PHACTR2: variants seen among roughly 807,000 people sequenced by gnomAD.
PHACTR2 encodes the protein chromosome 6 open reading frame 56.
A neutral mutation model predicts 76.0 loss-of-function variants in PHACTR2; 30 were observed. The ratio of observed to expected loss-of-function variants is 0.39; its 90% CI spans 0.30 to 0.54. The LOEUF is 0.54. PHACTR2 is among the 20% of genes least tolerant of loss of function. PHACTR2 has a pLI of 0.61. For missense variants in PHACTR2, 696 were observed against 781.1 expected (o/e 0.89, Z 1.30); for synonymous variants, 292 against 292.5 (o/e 1.00, Z 0.02).
At position 143,816,961 on chromosome 6, in the gene PHACTR2, G is replaced by A. The variant is rs1331434477; in HGVS notation, c.1923-6713G>A. Reference sequence around the variant, plus strand: ...AGTGCCTGTATTCCCAGCTACTTGGGAGGCTGAGGCAGGAGAATCTCTTGA... The same window carrying A: ...AGTGCCTGTATTCCCAGCTACTTGGAAGGCTGAGGCAGGAGAATCTCTTGA... On this transcript the variant is annotated intron_variant, in intron 12 of 12. Coordinates refer to ENST00000440869, the MANE Select transcript of PHACTR2 (RefSeq NM_001100164.2). The surrounding 1 kb of genome is among the most constrained non-coding windows in gnomAD (Gnocchi z 4.5). Among the ~76,000 whole-genome samples the A allele has an allele frequency of 6.6e-6, 1 of 152,304 alleles. No homozygotes were observed. Among genetic ancestry groups the A allele is most frequent in the Admixed American group, 6.5e-5 (1 of 15,294 alleles).
chr6:143,563,631 A>C (rs1775316407), intron 1 of PHACTR2, among the ~76,000 whole-genome samples: 1 of 151,888 alleles, frequency 6.6e-6, no homozygotes, highest in African/African-American at 2.4e-5. Context: ...AGATTCCATC[A>C]ACATAAGCAT....
At chr6:143,601,223 C>A (rs1285609405) in intron 1 of PHACTR2, among the ~76,000 whole-genome samples, 1 of 152,110 alleles carries the variant, frequency 6.6e-6, no homozygotes, top group Non-Finnish European at 1.5e-5. Context: ...TTGTGGGTTC[C>A]AATTCTGGAG....
At chr6:143,637,678 T>C (rs1582724152) in intron 1 of PHACTR2, among the ~76,000 whole-genome samples, 1 of 152,204 alleles carries the variant, frequency 6.6e-6, no homozygotes, top group Admixed American at 6.5e-5. Flanking sequence ...AAGGGACTGG[T>C]CCCATGTTAG....
At chr6:143,584,302 T>A (rs1350603651) in intron 1 of PHACTR2, among the ~76,000 whole-genome samples, 1 of 152,202 alleles carries the variant, frequency 6.6e-6, no homozygotes, top group Non-Finnish European at 1.5e-5. Flanking sequence ...GACTAGAGAC[T>A]TCATTTTGCG....
chr6:143,675,133 A>C (rs1238695093), upstream of PHACTR2, among the ~76,000 whole-genome samples: 1 of 152,214 alleles, frequency 6.6e-6, no homozygotes, highest in Non-Finnish European at 1.5e-5. This position sits in a 1 kb window ranked among gnomAD's most constrained non-coding sequence, Gnocchi z 4.9. Flanking sequence ...TCATAAAGGC[A>C]CACTGGCTTT....
In PHACTR2 at chr6:143,810,377, A is replaced by G. The variant is rs1163979036; in HGVS notation, c.1922+3244A>G. Among the ~76,000 whole-genome samples the G allele has an allele frequency of 3.3e-5, 5 of 152,294 alleles. No homozygotes were observed. In the East Asian group the frequency reaches 7.7e-4, roughly 23 times the overall value. The stretch of plus-strand genomic sequence containing the variant: ...TACATTTTGCATTTTGGAATAAACT[A>G]TTCCATTATCCTCCAAAAAGAGCAC... On this transcript the variant is annotated intron_variant, in intron 12 of 12. Transcript: ENST00000440869.
chr6:143,641,542 T>G lies in PHACTR2; in HGVS notation c.13+33220T>G, dbSNP rs1776561392. On this transcript the variant is annotated intron_variant, in intron 1 of 11. Coordinates refer to the PHACTR2 transcript ENST00000305766. The surrounding 1 kb of genome is among the most constrained non-coding windows in gnomAD (Gnocchi z 5.8). ...TGTTTTTGAGACAGAGTTTCGCTCT[T>G]GTTACCCAGGCTGGAGTACAATGGC... Among the ~76,000 whole-genome samples the G allele has an allele frequency of 6.6e-6, 1 of 152,162 alleles. No individual in the cohort carries two copies. Among genetic ancestry groups the G allele is most frequent in the Non-Finnish European group, 1.5e-5 (1 of 68,016 alleles).
rs1412710163 is a variant in PHACTR2, at chr6:143,625,724, T to C, written c.13+17402T>C. On this transcript the variant is annotated intron_variant, in intron 1 of 11. Transcript: ENST00000305766. This position sits in a 1 kb window ranked among gnomAD's most constrained non-coding sequence, Gnocchi z 4.3. ...AAATATGAATTGAGTGCCTACTGGG[T>C]CAGGCACTCTTCCGGGTGCAGTGAA... Among the ~76,000 whole-genome samples the C allele has an allele frequency of 6.6e-6, 1 of 152,218 alleles. No homozygotes were observed.
Position 143,823,562 on chromosome 6 carries a change from G to A in PHACTR2, c.1923-112G>A. On this transcript the variant is annotated intron_variant, in intron 12 of 12. Coordinates refer to ENST00000440869, the MANE Select transcript of PHACTR2 (RefSeq NM_001100164.2). This position sits in a 1 kb window ranked among gnomAD's most constrained non-coding sequence, Gnocchi z 5.7. ...AAATTTGTAAACAGTAATTCAGTTG[G>A]GGGATATCTGGGGTACCTTTTCATT... 1 of 709,776 alleles carries A rather than the reference G, an allele frequency of 1.4e-6. No individual in the cohort carries two copies. The highest frequency in any genetic ancestry group is 2.6e-6 in the Non-Finnish European group (1 of 390,660). The allele number at this position is 709,776 out of a possible 1,614,324, so 44.0% of individuals were successfully genotyped here.
rs1464284334 is a variant in PHACTR2, at chr6:143,678,530, G to T, written c.46+321G>T. ...CGTATTACAGTGTTTTTAAAAACGC[G>T]AAACTTAGAGAGCAAGAGAAACATG... is the stretch of plus-strand genomic sequence containing the variant. On this transcript the variant is annotated intron_variant, in intron 1 of 12. Coordinates refer to ENST00000440869, the MANE Select transcript of PHACTR2 (RefSeq NM_001100164.2). This position sits in a 1 kb window ranked among gnomAD's most constrained non-coding sequence, Gnocchi z 6.2. 6.6e-6 allele frequency among the ~76,000 whole-genome samples: 1 copy of T among 152,174 alleles called. No individual in the cohort carries two copies. Among genetic ancestry groups the T allele is most frequent in the Admixed American group, 6.5e-5 (1 of 15,282 alleles).
Position 143,589,289 on chromosome 6 carries a change from C to T in PHACTR2, c.217+52082C>T, listed in dbSNP as rs557602913. ...ATTGGATCATGGGGGTGGATTTCCCCCTTGCTGTTGTCATGATAGTGAATG... is the reference window on the plus strand; with the variant it reads ...ATTGGATCATGGGGGTGGATTTCCCTCTTGCTGTTGTCATGATAGTGAATG... On this transcript the variant is annotated intron_variant, in intron 1 of 11. Transcript: ENST00000367584. The surrounding 1 kb of genome is among the most constrained non-coding windows in gnomAD (Gnocchi z 4.4). 6.6e-6 allele frequency among the ~76,000 whole-genome samples: 1 copy of T among 152,172 alleles called. No individual in the cohort carries two copies. The highest frequency in any genetic ancestry group is 2.1e-4 in the South Asian group (1 of 4,814).
At chr6:143,768,035 A>G (rs1229179689) in intron 6 of PHACTR2, among the ~76,000 whole-genome samples, 2 of 150,514 alleles carry the variant, frequency 1.3e-5, no homozygotes, top group East Asian at 1.9e-4. Flanking sequence ...ATGGGGTTTC[A>G]CCATATAGGC....
rs1289552842 is a variant in PHACTR2, at chr6:143,570,710, A to G, written c.217+33503A>G. On this transcript the variant is annotated intron_variant, in intron 1 of 11. Coordinates refer to the PHACTR2 transcript ENST00000367584. The surrounding 1 kb of genome is among the most constrained non-coding windows in gnomAD (Gnocchi z 4.6). Reference sequence around the variant, plus strand: ...AAGATCAGTCCTTTGCACAGCAGCCATGGCCAGCGTGAGGTGCATGTGCAA... The same window carrying G: ...AAGATCAGTCCTTTGCACAGCAGCCGTGGCCAGCGTGAGGTGCATGTGCAA... Among the ~76,000 whole-genome samples, 1 of 152,032 alleles carries G rather than the reference A, an allele frequency of 6.6e-6. No homozygotes were observed. The highest frequency in any genetic ancestry group is 6.6e-5 in the Admixed American group (1 of 15,262).
chr6:143,656,680 A>T lies in PHACTR2; in HGVS notation c.13+48358A>T, dbSNP rs1776853900. The stretch of plus-strand genomic sequence containing the variant: ...TGTTGATTAATGAATAGATGTGATC[A>T]TAGAAGAAGCAATATCAAGATTTTT... On this transcript the variant is annotated intron_variant, in intron 1 of 11. Coordinates refer to the PHACTR2 transcript ENST00000305766. This position sits in a 1 kb window ranked among gnomAD's most constrained non-coding sequence, Gnocchi z 5.3. Among the ~76,000 whole-genome samples, 1 of 152,218 alleles carries T rather than the reference A, an allele frequency of 6.6e-6. No individual in the cohort carries two copies. The highest frequency in any genetic ancestry group is 2.4e-5 in the African/African-American group (1 of 41,452).
At chr6:143,542,293 A>G (rs1781178057) in intron 1 of PHACTR2, among the ~76,000 whole-genome samples, 1 of 152,108 alleles carries the variant, frequency 6.6e-6, no homozygotes, top group South Asian at 2.1e-4. Flanking sequence ...CAGGAGCCTG[A>G]CCGCCGGTCA....
At chr6:143,586,287 C>T (rs1311104624) in intron 1 of PHACTR2, among the ~76,000 whole-genome samples, 2 of 152,166 alleles carry the variant, frequency 1.3e-5, no homozygotes, top group African/African-American at 4.8e-5. Context: ...TATTTTTCTA[C>T]GAAACCATCA....
Position 143,596,555 on chromosome 6 carries a change from C to T in PHACTR2, c.217+59348C>T, listed in dbSNP as rs866944160. Among the ~76,000 whole-genome samples, 17 of 152,286 alleles carry T rather than the reference C, an allele frequency of 1.1e-4. No individual in the cohort carries two copies. The highest frequency in any genetic ancestry group is 3.4e-3 in the Middle Eastern group (1 of 294). On this transcript the variant is annotated intron_variant, in intron 1 of 11. Transcript: ENST00000367584. This position sits in a 1 kb window ranked among gnomAD's most constrained non-coding sequence, Gnocchi z 4.6. ...AACTCTGTGTAAGAATCACAGCCAT[C>T]AGGCCGGGCACTGTGGCTCATGCCT...
At chr6:143,711,094 G>C (rs1242774876) in intron 1 of PHACTR2, 1 of 512,912 alleles carries the variant, frequency 1.9e-6, no homozygotes, top group Non-Finnish European at 3.9e-6. Context: ...GATGAGTTTT[G>C]GGTAATCCAA....
At chr6:143,749,154 G>T in intron 3 of PHACTR2, 89 bp downstream of exon 3, 1 of 724,080 alleles carries the variant, frequency 1.4e-6, no homozygotes, top group South Asian at 1.6e-5. Context: ...AAGGGATCAT[G>T]GTCTTTGTAA....
Sources: gnomAD v4.1 joint callset for allele counts (sites outside exome capture counted in the v4.1 genomes callset) on GRCh38, gnomAD v4.1.1 for gene constraint, Gnocchi (gnomAD v3.1) non-coding constraint, MANE v1.5 for transcripts, NCBI Gene and HGNC (gene_info 2026-07-23, HGNC 2026-07-21) for gene names.